Variants in ADAMTSL1 observed in about 807,000 individuals in gnomAD.
The protein encoded by ADAMTSL1 is ADAMTS like 1.
Under a neutral mutation model 201.8 loss-of-function variants are expected in ADAMTSL1, and 126 were observed. That is an observed-to-expected ratio of 0.62 (90% CI 0.54 to 0.72). The LOEUF (loss-of-function observed/expected upper bound fraction) is 0.72, where lower values mean the gene tolerates loss of function less well. Ranked by LOEUF, ADAMTSL1 falls within the 30% of genes least tolerant of loss-of-function variation. The probability of loss-of-function intolerance (pLI) is 0.00; values close to 1 mark genes in which losing one functional copy is unlikely to be tolerated. For missense variants in ADAMTSL1, 2,679 were observed against 2,277.8 expected (o/e 1.18, Z -3.59); for synonymous variants, 1,121 against 903.4 (o/e 1.24, Z -4.32).
chr9:18,201,434 A>G (rs1055771480), intron 2 of ADAMTSL1, among the ~76,000 whole-genome samples: 13 of 151,984 alleles, frequency 8.6e-5, no homozygotes, highest in Non-Finnish European at 1.8e-4. Context: ...AGTTTTTCTG[A>G]TATTTTCTCA....
At chr9:18,786,831 T>C (rs1821737967) in intron 19 of ADAMTSL1, among the ~76,000 whole-genome samples, 1 of 152,204 alleles carries the variant, frequency 6.6e-6, no homozygotes, top group African/African-American at 2.4e-5. Flanking sequence ...TCTGAGCTGA[T>C]AGGAAAGTGA....
chr9:18,629,310 C>G (rs2132722681), intron 5 of ADAMTSL1, among the ~76,000 whole-genome samples: 1 of 152,112 alleles, frequency 6.6e-6, no homozygotes, highest in South Asian at 2.1e-4. Context: ...CAATGGAGGT[C>G]CTTATCTTAT....
intron 1 of ADAMTSL1, among the ~76,000 whole-genome samples, chr9:18,013,415 A>C (rs1488416636): frequency 6.6e-6 from 1 of 152,034 alleles, no homozygotes; most frequent in Non-Finnish European, 1.5e-5. Flanking sequence ...GTATGCATAC[A>C]GCATGAGAGA....
chr9:18,644,911 G>C (rs1827693395), intron 7 of ADAMTSL1, among the ~76,000 whole-genome samples: 1 of 151,674 alleles, frequency 6.6e-6, no homozygotes, highest in Non-Finnish European at 1.5e-5. Context: ...CCAGTAATGG[G>C]ATGGCTGGGT....
At chr9:18,396,926 A>T (rs1188846060) in intron 2 of ADAMTSL1, among the ~76,000 whole-genome samples, 1 of 152,178 alleles carries the variant, frequency 6.6e-6, no homozygotes, top group Non-Finnish European at 1.5e-5. Flanking sequence ...TAGGGGTCCT[A>T]AGAAATGTAT....
intron 2 of ADAMTSL1, among the ~76,000 whole-genome samples, chr9:18,523,484 GC>G (rs1818832135): frequency 6.6e-6 from 1 of 152,132 alleles, no homozygotes; most frequent in Non-Finnish European, 1.5e-5. Context: ...TGTTGCCACT[GC>G]TTTTGGTGTT....
At chr9:18,652,100 G>C (rs1336711534) in intron 7 of ADAMTSL1, among the ~76,000 whole-genome samples, 1 of 152,018 alleles carries the variant, frequency 6.6e-6, no homozygotes, top group Non-Finnish European at 1.5e-5. Flanking sequence ...GAAAGCTATA[G>C]ATATGCACTA....
intron 10 of ADAMTSL1, among the ~76,000 whole-genome samples, chr9:18,678,991 T>C (rs948168432): frequency 6.6e-6 from 1 of 152,132 alleles, no homozygotes; most frequent in African/African-American, 2.4e-5. Context: ...CCTGGGGAAA[T>C]ACACATAGGA....
At chr9:18,326,217 TATA>T (rs1834825829) in intron 2 of ADAMTSL1, among the ~76,000 whole-genome samples, 1 of 152,230 alleles carries the variant, frequency 6.6e-6, no homozygotes, top group African/African-American at 2.4e-5. Context: ...TGTGATGTAC[TATA>T]ATAAGGCAAA....
In ADAMTSL1 at chr9:18,598,882, T is replaced by C. The variant is rs547112328; in HGVS notation, c.475-23361T>C. ...TTTCAGAGAAAGGGACGGGGTGGGC[T>C]GGGGAGGAAAGCTTGAGAAGAAGCA... On this transcript the variant is annotated intron_variant, in intron 4 of 28. Transcript: ENST00000380548. Among the ~76,000 whole-genome samples, 12 of 151,766 alleles carry C rather than the reference T, an allele frequency of 7.9e-5. No homozygotes were observed. In the East Asian group the frequency reaches 2.3e-3, roughly 30 times the overall value.
At chr9:18,118,128 T>C (rs1825332415) in intron 1 of ADAMTSL1, among the ~76,000 whole-genome samples, 1 of 152,204 alleles carries the variant, frequency 6.6e-6, no homozygotes, top group African/African-American at 2.4e-5. Context: ...ATGAGTTTCA[T>C]AAGTTATCTT....
chr9:18,425,584 T>A (rs1819174854), intron 2 of ADAMTSL1, among the ~76,000 whole-genome samples: 1 of 152,106 alleles, frequency 6.6e-6, no homozygotes, highest in Admixed American at 6.6e-5. Context: ...GCACAGCAGC[T>A]TGCATCTGTA....
intron 4 of ADAMTSL1, among the ~76,000 whole-genome samples, chr9:18,598,615 A>T (rs554584203): frequency 2.0e-5 from 3 of 150,488 alleles, no homozygotes; most frequent in Middle Eastern, 3.4e-3. Context: ...TGTATTATTT[A>T]AAAAAAAAAT....
intron 2 of ADAMTSL1, among the ~76,000 whole-genome samples, chr9:18,315,754 A>G (rs371002325): frequency 6.6e-6 from 1 of 152,190 alleles, no homozygotes; most frequent in African/African-American, 2.4e-5. Context: ...CTCCGGCCTC[A>G]GCCAACCTAG....
At chr9:18,641,459 C>T (rs984816221) in intron 7 of ADAMTSL1, among the ~76,000 whole-genome samples, 5 of 152,186 alleles carry the variant, frequency 3.3e-5, no homozygotes, top group African/African-American at 1.2e-4. Context: ...AGTTGAGTGA[C>T]TTGCCTGAGT....
intron 1 of ADAMTSL1, among the ~76,000 whole-genome samples, chr9:18,504,254 GA>G (rs1823001466): frequency 6.6e-6 from 1 of 152,112 alleles, no homozygotes; most frequent in Non-Finnish European, 1.5e-5. Context: ...AATTTTCCTA[GA>G]AAGCCTGTAA....
chr9:17,976,305 C>G (rs1818444716), intron 1 of ADAMTSL1, among the ~76,000 whole-genome samples: 1 of 151,764 alleles, frequency 6.6e-6, no homozygotes, highest in African/African-American at 2.4e-5. Flanking sequence ...ATCTGTATAT[C>G]ATTTTGGGTA....
chr9:18,659,898 G>T (rs1206019811), intron 8 of ADAMTSL1, among the ~76,000 whole-genome samples: 3 of 146,316 alleles, frequency 2.1e-5, no homozygotes, highest in African/African-American at 7.6e-5. Context: ...TTCAAGGAAA[G>T]AATCTAAGGT....
At chr9:18,641,110 T>G (rs1387075667) in intron 7 of ADAMTSL1, among the ~76,000 whole-genome samples, 1 of 152,024 alleles carries the variant, frequency 6.6e-6, no homozygotes, top group African/African-American at 2.4e-5. Context: ...CCTTACACTC[T>G]CATAACTCAT....
Sources: gnomAD v4.1 joint callset for allele counts (sites outside exome capture counted in the v4.1 genomes callset) on GRCh38, gnomAD v4.1.1 for gene constraint, MANE v1.5 for transcripts, NCBI Gene and HGNC (gene_info 2026-07-23, HGNC 2026-07-21) for gene names.